Variants in RIT2 observed in about 807,000 individuals in gnomAD.
RIT2 encodes the protein Ras like without CAAX 2.
A neutral mutation model predicts 23.7 loss-of-function variants in RIT2; 24 were observed. The ratio of observed to expected loss-of-function variants is 1.01; its 90% CI spans 0.73 to 1.43. RIT2 has a LOEUF of 1.43. Among genes scored for constraint, RIT2 ranks in the 40% most tolerant of loss-of-function variants. The pLI is 0.00. For missense variants in RIT2, 236 were observed against 266.9 expected, an observed-to-expected ratio of 0.88 and a Z score of 0.81; for synonymous variants, 107 against 91.1, an observed-to-expected ratio of 1.17 and a Z score of -0.99.
At chr18:42,919,056 G>T (rs1908987134) in intron 4 of RIT2, among the ~76,000 whole-genome samples, 1 of 152,042 alleles carries the variant, frequency 6.6e-6, no homozygotes, top group African/African-American at 2.4e-5. Flanking sequence ...CACAGATCCT[G>T]AGAAGAACAG....
chr18:42,981,078 G>A (rs1275820441), intron 2 of RIT2, among the ~76,000 whole-genome samples: 1 of 152,090 alleles, frequency 6.6e-6, no homozygotes, highest in Non-Finnish European at 1.5e-5. Context: ...AACAGGACTA[G>A]GTCACGGTCA....
At chr18:43,071,672 T>C (rs1912900324) in intron 1 of RIT2, among the ~76,000 whole-genome samples, 2 of 152,206 alleles carry the variant, frequency 1.3e-5, no homozygotes, top group Admixed American at 1.3e-4. Flanking sequence ...TCTTATCCAA[T>C]GTGTGCTTAA....
chr18:42,999,950 A>G (rs1239707451), intron 2 of RIT2, among the ~76,000 whole-genome samples: 1 of 152,094 alleles, frequency 6.6e-6, no homozygotes, highest in African/African-American at 2.4e-5. Context: ...ATTGTAAGGG[A>G]ATATGTAGCT....
chr18:43,110,824 C>T (rs114310477), intron 1 of RIT2, among the ~76,000 whole-genome samples: 1,822 of 152,054 alleles, frequency 0.012, 33 homozygotes, highest in African/African-American at 0.037. Context: ...GTAGTTTTCT[C>T]GTCATGAGTC....
intron 2 of RIT2, among the ~76,000 whole-genome samples, chr18:43,010,969 C>A (rs549375151): frequency 3.3e-5 from 5 of 151,662 alleles, no homozygotes; most frequent in Admixed American, 6.6e-5. Flanking sequence ...TAGAAAGAGT[C>A]CTGGTTCCTG....
Position 43,036,098 on chromosome 18 carries a change from C to G in RIT2, c.104-2231G>C, listed in dbSNP as rs1911968792. On this transcript the variant is annotated intron_variant, in intron 1 of 4. Coordinates refer to ENST00000326695, the MANE Select transcript of RIT2 (RefSeq NM_002930.4). ...ATGCAATTGGGAAGGAATTGTGGAG[C>G]CTGAAGAAATTTTGAACAAATTTAA... 3.9e-5 allele frequency among the ~76,000 whole-genome samples: 6 copies of G among 152,062 alleles called. No homozygotes were observed. In the South Asian group the frequency reaches 1.2e-3, roughly 32 times the overall value.
intron 4 of RIT2, among the ~76,000 whole-genome samples, chr18:42,778,063 T>G (rs1464729884): frequency 1.3e-5 from 2 of 152,196 alleles, no homozygotes; most frequent in Non-Finnish European, 2.9e-5. Flanking sequence ...CATTTGGAAA[T>G]TTGCTATTCA....
chr18:43,011,761 T>G (rs2144254775), intron 2 of RIT2, among the ~76,000 whole-genome samples: 1 of 151,956 alleles, frequency 6.6e-6, no homozygotes, highest in African/African-American at 2.4e-5. Flanking sequence ...GTGTTCCTAG[T>G]GCTTTTTCAG....
At chr18:42,774,623 CT>C (rs35904043) in intron 4 of RIT2, among the ~76,000 whole-genome samples, 69 of 146,690 alleles carry the variant, frequency 4.7e-4, no homozygotes, top group African/African-American at 7.3e-4. Context: ...ATTGACTAGA[CT>C]TTTTTTTTTT....
At chr18:42,755,701 G>A (rs796781870) in intron 4 of RIT2, among the ~76,000 whole-genome samples, 4 of 152,070 alleles carry the variant, frequency 2.6e-5, no homozygotes, top group African/African-American at 7.2e-5. Flanking sequence ...CACTTAAGAG[G>A]GCTCATTATT....
chr18:42,847,135 G>T (rs945176921), intron 4 of RIT2, among the ~76,000 whole-genome samples: 1 of 152,082 alleles, frequency 6.6e-6, no homozygotes, highest in African/African-American at 2.4e-5. Context: ...TAAGGAAAAT[G>T]GTCAGTACTT....
chr18:43,084,023 C>A (rs139661951), intron 1 of RIT2, among the ~76,000 whole-genome samples: 34 of 152,080 alleles, frequency 2.2e-4, no homozygotes, highest in African/African-American at 8.0e-4. Context: ...ATGAGGAACA[C>A]AAATAAATTT....
intron 4 of RIT2, among the ~76,000 whole-genome samples, chr18:42,830,815 G>T (rs1906437161): frequency 1.3e-5 from 2 of 152,104 alleles, no homozygotes; most frequent in Admixed American, 6.6e-5. Flanking sequence ...GTGCTTTTTG[G>T]TGATAATCTG....
At chr18:42,969,036 C>T (rs1910302468) in intron 3 of RIT2, among the ~76,000 whole-genome samples, 2 of 152,074 alleles carry the variant, frequency 1.3e-5, no homozygotes, top group South Asian at 2.1e-4. Context: ...AAGCTTGCAT[C>T]GACTCTTACT....
At chr18:42,836,681 C>G (rs1404378012) in intron 4 of RIT2, among the ~76,000 whole-genome samples, 2 of 152,110 alleles carry the variant, frequency 1.3e-5, no homozygotes, top group Non-Finnish European at 2.9e-5. Context: ...AAAATGCCAC[C>G]AGCTATTTTA....
At chr18:42,799,160 CA>C (rs1206015681) in intron 4 of RIT2, among the ~76,000 whole-genome samples, 3 of 152,102 alleles carry the variant, frequency 2.0e-5, no homozygotes, top group Non-Finnish European at 4.4e-5. Context: ...TAGAAAGAGC[CA>C]AATGAAATTC....
chr18:43,070,184 C>G (rs80059782), intron 1 of RIT2, among the ~76,000 whole-genome samples: 346 of 152,038 alleles, frequency 2.3e-3, no homozygotes, highest in African/African-American at 8.0e-3. Context: ...TAATTTTTCA[C>G]GGCTCTATTT....
At chr18:42,909,380 G>A (rs748346181) in intron 4 of RIT2, among the ~76,000 whole-genome samples, 5 of 151,966 alleles carry the variant, frequency 3.3e-5, no homozygotes, top group South Asian at 2.1e-4. Context: ...CAGTGTACAC[G>A]GCTCAGGTTC....
At chr18:42,793,945 C>T (rs1914097452) in intron 4 of RIT2, among the ~76,000 whole-genome samples, 1 of 152,074 alleles carries the variant, frequency 6.6e-6, no homozygotes, top group Non-Finnish European at 1.5e-5. Context: ...TTTGGAAAAG[C>T]CTTCTCTCAT....
Sources: allele counts gnomAD v4.1 joint callset (sites outside exome capture counted in the v4.1 genomes callset), GRCh38; gene constraint gnomAD v4.1.1; transcripts MANE v1.5; gene names NCBI Gene and HGNC (gene_info 2026-07-23, HGNC 2026-07-21).